The following PRKD1 variants were observed in gnomAD, a reference collection of about 807,000 sequenced individuals.
PRKD1 encodes serine/threonine-protein kinase D1.
In PRKD1, 63 loss-of-function variants were observed where a neutral mutation model predicts 95.9. That is an observed-to-expected ratio of 0.66 (90% CI 0.54 to 0.81). The LOEUF is 0.81. Ranked by LOEUF, PRKD1 falls within the 30% of genes least tolerant of loss-of-function variation. The pLI is 0.00. For synonymous variants in PRKD1, 425 were observed against 423.1 expected (o/e 1.00, Z -0.05); for missense variants, 1,048 against 1,165.3 (o/e 0.90, Z 1.47).
chr14:29,619,857 C>A (rs1450145888), intron 13 of PRKD1, among the ~76,000 whole-genome samples: 1 of 152,088 alleles, frequency 6.6e-6, no homozygotes, highest in Non-Finnish European at 1.5e-5. Flanking sequence ...TTTCAGCCTG[C>A]ATCACCAAGT....
chr14:29,659,991 A>G (rs1882101965), intron 4 of PRKD1, among the ~76,000 whole-genome samples: 1 of 152,108 alleles, frequency 6.6e-6, no homozygotes, highest in Non-Finnish European at 1.5e-5. Flanking sequence ...AGTGATTTAA[A>G]TCCTGTTTAA....
Position 29,680,011 on chromosome 14 carries a change from G to A in PRKD1, c.404-13803C>T, listed in dbSNP as rs551331967. On this transcript the variant is annotated intron_variant, in intron 2 of 17. Transcript: ENST00000331968. ...AATGTGGGAAGTGAGGGGTACTGAA[G>A]GAATCAACATCATTGCAAAGGAAGG... Among the ~76,000 whole-genome samples the A allele has an allele frequency of 4.6e-5, 7 of 152,256 alleles. No individual in the cohort carries two copies. The South Asian group carries it at 1.4e-3, about 32-fold the overall frequency.
At chr14:29,635,403 A>G (rs986221548) in intron 7 of PRKD1, among the ~76,000 whole-genome samples, 1 of 152,144 alleles carries the variant, frequency 6.6e-6, no homozygotes, top group African/African-American at 2.4e-5. Flanking sequence ...CTTTGGTACT[A>G]AAGAAGTGTA....
At chr14:29,682,167 T>C (rs1300719350) in intron 2 of PRKD1, among the ~76,000 whole-genome samples, 1 of 152,170 alleles carries the variant, frequency 6.6e-6, no homozygotes, top group East Asian at 1.9e-4. Flanking sequence ...AGGTATGCAG[T>C]TTGTTTCCTG....
chr14:29,613,806 T>C (rs1019292764), intron 13 of PRKD1, among the ~76,000 whole-genome samples: 1 of 152,216 alleles, frequency 6.6e-6, no homozygotes, highest in African/African-American at 2.4e-5. Context: ...TCGCAGGCTT[T>C]GTCCCACTAA....
intron 13 of PRKD1, among the ~76,000 whole-genome samples, chr14:29,609,533 CACACAT>C (rs1289327514): frequency 9.0e-5 from 13 of 143,994 alleles, no homozygotes; most frequent in African/African-American, 2.3e-4. Flanking sequence ...CACACACACA[CACACAT>C]ATATATATTT....
intron 2 of PRKD1, among the ~76,000 whole-genome samples, chr14:29,681,653 G>T (rs1470305395): frequency 6.6e-6 from 1 of 152,098 alleles, no homozygotes; most frequent in African/African-American, 2.4e-5. Context: ...TATGAACCAA[G>T]TAGAGGCATT....
At chr14:29,598,454 T>C (rs1400726841) in intron 15 of PRKD1, among the ~76,000 whole-genome samples, 2 of 152,094 alleles carry the variant, frequency 1.3e-5, no homozygotes, top group African/African-American at 2.4e-5. Context: ...TGGGAAGTGA[T>C]GACCTTCACT....
chr14:29,748,526 A>G (rs1566577858), intron 1 of PRKD1, among the ~76,000 whole-genome samples: 1 of 152,208 alleles, frequency 6.6e-6, no homozygotes, highest in African/African-American at 2.4e-5. Flanking sequence ...AAAACTTTTG[A>G]TAGATATTAA....
At chr14:29,618,308 AGTG>A (rs1365767264) in intron 13 of PRKD1, among the ~76,000 whole-genome samples, 2 of 148,854 alleles carry the variant, frequency 1.3e-5, no homozygotes, top group Non-Finnish European at 3.0e-5. Flanking sequence ...GCTGGAGTGC[AGTG>A]GTATGATCTC....
intron 3 of PRKD1, 87 bp from the exon 4 acceptor site, chr14:29,663,946 T>C: frequency 1.6e-6 from 2 of 1,280,424 alleles, no homozygotes; most frequent in South Asian, 1.4e-5. Flanking sequence ...ATTTAAAAAA[T>C]AGTACAGCTT....
chr14:29,780,443 A>G (rs1269202209), intron 1 of PRKD1, among the ~76,000 whole-genome samples: 1 of 152,214 alleles, frequency 6.6e-6, no homozygotes, highest in African/African-American at 2.4e-5. Flanking sequence ...AATTTACAAG[A>G]AAACATCGAA....
intron 4 of PRKD1, among the ~76,000 whole-genome samples, chr14:29,642,119 T>C (rs1424318297): frequency 4.6e-5 from 7 of 151,978 alleles, no homozygotes; most frequent in African/African-American, 1.5e-4. Context: ...GTCAGGCTGG[T>C]CTCGAACTCC....
rs1349030943 is a variant in PRKD1 at position 29,630,796 on chromosome 14, G to A, written c.1618C>T (p.Leu540Phe). The A allele has an allele frequency of 4.3e-6, 7 of 1,614,098 alleles. No individual in the cohort carries two copies. Among genetic ancestry groups the A allele is most frequent in the African/African-American group, 1.3e-5 (1 of 75,036 alleles). Residue 540 changes from leucine to phenylalanine, a missense_variant, in exon 10 of 18, where the codon CTT becomes TTT. Leu to Phe is a conservative substitution (Grantham distance 22). Coordinates refer to ENST00000331968, the MANE Select transcript of PRKD1 (RefSeq NM_002742.3). Reference sequence around the variant, plus strand: ...GAGCCCTTGGGAATGACGGGCATAAGGGCATGCTGGATGGCTATCTCCCAC... The same window carrying A: ...GAGCCCTTGGGAATGACGGGCATAAAGGCATGCTGGATGGCTATCTCCCAC... The part of the protein sequence containing the change: ...RMWEIAIQHA[L>F]MPVIPKGSSV...
intron 2 of PRKD1, among the ~76,000 whole-genome samples, chr14:29,674,565 T>A (rs1190505256): frequency 6.6e-6 from 1 of 152,098 alleles, no homozygotes; most frequent in Non-Finnish European, 1.5e-5. Context: ...TAAGTAAAAA[T>A]GTCATGGAGT....
intron 1 of PRKD1, among the ~76,000 whole-genome samples, chr14:29,797,884 A>G (rs1448795545): frequency 6.6e-6 from 1 of 152,210 alleles, no homozygotes. Flanking sequence ...TAATACCAAC[A>G]TCCTGGTGAA....
chr14:29,676,059 C>T (rs947532328), intron 2 of PRKD1, among the ~76,000 whole-genome samples: 3 of 151,454 alleles, frequency 2.0e-5, no homozygotes, highest in Non-Finnish European at 2.9e-5. Flanking sequence ...AGCACACCAA[C>T]ATGGCATATG....
At position 29,740,224 on chromosome 14, in the gene PRKD1, G is replaced by A. The variant is rs537218087; in HGVS notation, c.265-14550C>T. On this transcript the variant is annotated intron_variant, in intron 1 of 17. Transcript: ENST00000331968. ...CACTTCACACTATTTGTCTCACTCT[G>A]AATAAAACTGTCACTATAGCACAAT... is the stretch of plus-strand genomic sequence containing the variant. 2.6e-5 allele frequency among the ~76,000 whole-genome samples: 4 copies of A among 152,178 alleles called. No homozygotes were observed. The South Asian group carries it at 8.3e-4, about 32-fold the overall frequency.
intron 1 of PRKD1, among the ~76,000 whole-genome samples, chr14:29,843,936 A>G (rs978421746): frequency 6.6e-6 from 1 of 152,226 alleles, no homozygotes; most frequent in Non-Finnish European, 1.5e-5. Context: ...AAGCATGTCA[A>G]CCTTGGATCC....
Sources: allele counts gnomAD v4.1 joint callset (sites outside exome capture counted in the v4.1 genomes callset), GRCh38; gene constraint gnomAD v4.1.1; transcripts MANE v1.5; gene names NCBI Gene and HGNC (gene_info 2026-07-23, HGNC 2026-07-21).